Variants in LYPLAL1 observed in about 807,000 individuals in gnomAD.
LYPLAL1 encodes lysophospholipase like 1.
LYPLAL1 carries 23 observed loss-of-function variants against 19.7 expected under a neutral mutation model. That is an observed-to-expected ratio of 1.17 (90% CI 0.84 to 1.65). LYPLAL1 has a LOEUF of 1.65. LYPLAL1 is among the 40% of genes most tolerant of loss of function. The probability of loss-of-function intolerance (pLI) is 0.00; values close to 1 mark genes in which losing one functional copy is unlikely to be tolerated. For missense variants in LYPLAL1, 355 were observed against 279.4 expected (o/e 1.27, Z -1.93); for synonymous variants, 119 against 96.3 (o/e 1.24, Z -1.38).
downstream of LYPLAL1, among the ~76,000 whole-genome samples, chr1:219,216,590 A>G (rs1016006902): frequency 2.0e-5 from 3 of 152,106 alleles, no homozygotes; most frequent in African/African-American, 7.2e-5. Flanking sequence ...TCTCATCCTC[A>G]TGTGAGCCCC....
chr1:219,433,094 G>A, the LYPLAL1 span, among the ~76,000 whole-genome samples: 2 of 152,186 alleles, frequency 1.3e-5, no homozygotes, highest in Non-Finnish European at 2.9e-5. Context: ...GGGATAACAT[G>A]ACCTGCTGGA....
the LYPLAL1 span, among the ~76,000 whole-genome samples, chr1:219,244,429 G>A: frequency 3.9e-5 from 6 of 152,258 alleles, no homozygotes; most frequent in South Asian, 8.3e-4. Context: ...ATTCCACAGT[G>A]GAGGAGGGAT....
the LYPLAL1 span, among the ~76,000 whole-genome samples, chr1:219,377,448 T>C: frequency 6.6e-6 from 1 of 152,198 alleles, no homozygotes; most frequent in Admixed American, 6.5e-5. Flanking sequence ...ATGTATTTAA[T>C]GTCACTGAAC....
chr1:219,418,592 C>G, the LYPLAL1 span, among the ~76,000 whole-genome samples: 1 of 152,230 alleles, frequency 6.6e-6, no homozygotes, highest in Non-Finnish European at 1.5e-5. Flanking sequence ...CAGCTATCAA[C>G]CTCCACCAGA....
the LYPLAL1 span, among the ~76,000 whole-genome samples, chr1:219,259,745 C>T: frequency 1.3e-5 from 2 of 151,032 alleles, no homozygotes; most frequent in East Asian, 3.9e-4. Flanking sequence ...ACTAAAGAAC[C>T]TTAAGCAAAT....
At chr1:219,383,367 A>G in the LYPLAL1 span, among the ~76,000 whole-genome samples, 1 of 152,252 alleles carries the variant, frequency 6.6e-6, no homozygotes, top group Non-Finnish European at 1.5e-5. Flanking sequence ...TGGACTTGTG[A>G]TAAATGAGAA....
chr1:219,445,227 C>T, the LYPLAL1 span, among the ~76,000 whole-genome samples: 1 of 150,210 alleles, frequency 6.7e-6, no homozygotes, highest in African/African-American at 2.5e-5. Flanking sequence ...TTGGTCTTTC[C>T]ACAAAATTGG....
the LYPLAL1 span, among the ~76,000 whole-genome samples, chr1:219,280,751 T>C: frequency 1.3e-5 from 2 of 152,210 alleles, no homozygotes; most frequent in South Asian, 4.2e-4. Flanking sequence ...CTTAACATTT[T>C]AAAAAGGCAT....
chr1:219,363,254 A>T, the LYPLAL1 span, among the ~76,000 whole-genome samples: 1 of 152,134 alleles, frequency 6.6e-6, no homozygotes, highest in Admixed American at 6.5e-5. Context: ...CCTCTTCATA[A>T]TCAATTATCT....
At chr1:219,238,960 G>A in the LYPLAL1 span, among the ~76,000 whole-genome samples, 1 of 152,122 alleles carries the variant, frequency 6.6e-6, no homozygotes, top group East Asian at 1.9e-4. Flanking sequence ...CTTGAGTATA[G>A]AATGACTGAC....
At position 219,211,512 on chromosome 1, in the gene LYPLAL1, T is replaced by C. The variant is rs1659038865; in HGVS notation, c.498T>C (p.Gly166=). Residue 166 remains glycine, a synonymous_variant, in exon 5 of 5, where the codon GGT becomes GGC. Coordinates refer to ENST00000366928, the MANE Select transcript of LYPLAL1 (RefSeq NM_138794.5). ...TCTAGGCTCTTCAGAAGAGTAATGG[T>C]GTACTTCCTGAATTATTTCAGTGTC... ...AVYQALQKSN[G]VLPELFQCHG... The C allele has an allele frequency of 6.2e-7, 1 of 1,609,796 alleles. No homozygotes were observed. Among genetic ancestry groups the C allele is most frequent in the African/African-American group, 1.3e-5 (1 of 74,916 alleles).
the LYPLAL1 span, among the ~76,000 whole-genome samples, chr1:219,360,799 T>C: frequency 6.6e-6 from 1 of 152,260 alleles, no homozygotes; most frequent in South Asian, 2.1e-4. Context: ...TGCTCCCTGA[T>C]GGTGACAGGA....
chr1:219,331,885 TGA>T, the LYPLAL1 span, among the ~76,000 whole-genome samples: 1 of 152,178 alleles, frequency 6.6e-6, no homozygotes, highest in Non-Finnish European at 1.5e-5. Context: ...TGCTATCATG[TGA>T]GAGTCTCACC....
At chr1:219,234,092 T>C in the LYPLAL1 span, among the ~76,000 whole-genome samples, 1 of 152,188 alleles carries the variant, frequency 6.6e-6, no homozygotes, top group Non-Finnish European at 1.5e-5. Flanking sequence ...TCATTAAACA[T>C]CCTGGTCCCT....
At chr1:219,269,251 G>C in the LYPLAL1 span, among the ~76,000 whole-genome samples, 1 of 152,174 alleles carries the variant, frequency 6.6e-6, no homozygotes, top group Non-Finnish European at 1.5e-5. Flanking sequence ...AGGGAAGCAT[G>C]TGTTAGCTAA....
At chr1:219,325,552 G>T in the LYPLAL1 span, among the ~76,000 whole-genome samples, 2 of 152,140 alleles carry the variant, frequency 1.3e-5, no homozygotes, top group Admixed American at 6.5e-5. Context: ...GTTCCTCTGA[G>T]AATTTCTAAG....
chr1:219,198,358 T>C (rs1033440435), intron 3 of LYPLAL1, among the ~76,000 whole-genome samples: 3 of 152,028 alleles, frequency 2.0e-5, no homozygotes, highest in Non-Finnish European at 4.4e-5. Context: ...ATATTATATA[T>C]GCTATATATA....
chr1:219,313,015 T>TTA, the LYPLAL1 span, among the ~76,000 whole-genome samples: 6 of 152,236 alleles, frequency 3.9e-5, no homozygotes, highest in African/African-American at 1.4e-4. Flanking sequence ...GTATTATAGG[T>TTA]TATAGTATTG....
intron 1 of LYPLAL1, 105 bp downstream of exon 1, chr1:219,174,086 C>T (rs1655599250): frequency 4.6e-6 from 7 of 1,527,420 alleles, no homozygotes; most frequent in Non-Finnish European, 5.3e-6. Context: ...CCAAATAGGG[C>T]CCAGTGGGTG....
Sources: allele counts gnomAD v4.1 joint callset (sites outside exome capture counted in the v4.1 genomes callset), GRCh38; gene constraint gnomAD v4.1.1; transcripts MANE v1.5; gene names NCBI Gene and HGNC (gene_info 2026-07-23, HGNC 2026-07-21).